Variants in ANXA4 observed in about 807,000 individuals in gnomAD.
ANXA4 encodes 35-beta calcimedin.
Under a neutral mutation model 49.8 loss-of-function variants are expected in ANXA4, and 39 were observed. That is an observed-to-expected ratio of 0.78 (90% CI 0.61 to 1.02). ANXA4 has a LOEUF of 1.02. ANXA4 is among the 50% of genes least tolerant of loss of function. The pLI is 0.00. For synonymous variants in ANXA4, 134 were observed against 152.5 expected (o/e 0.88, Z 0.89); for missense variants, 360 against 410.1 (o/e 0.88, Z 1.05).
chr2:69,728,737 T>A lies in ANXA4; in HGVS notation n.864+7866T>A, dbSNP rs566635688. 2.6e-5 allele frequency among the ~76,000 whole-genome samples: 4 copies of A among 152,358 alleles called. No individual in the cohort carries two copies. In the South Asian group the frequency reaches 8.3e-4, roughly 32 times the overall value. On this transcript the variant is annotated intron_variant and non_coding_transcript_variant, in intron 3 of 3. Coordinates refer to the ANXA4 transcript ENST00000418066. The stretch of plus-strand genomic sequence containing the variant: ...CCGTTTGTCTATTTCTCTATCTGTA[T>A]ATGAATACCACACTGACTTTAAGTG...
rs146272670 is a variant in ANXA4 at position 69,681,689 on chromosome 2, C to T, written n.766+28407C>T. Among the ~76,000 whole-genome samples, 263 of 152,192 alleles carry T rather than the reference C, an allele frequency of 1.7e-3. 2 individuals carry two copies. Among genetic ancestry groups the T allele is most frequent in the African/African-American group, 5.8e-3 (239 of 41,548 alleles). On this transcript the variant is annotated intron_variant and non_coding_transcript_variant, in intron 2 of 3. Coordinates refer to the ANXA4 transcript ENST00000418066. The stretch of plus-strand genomic sequence containing the variant: ...CCTTTTTCTTGGTTAGTCTAGCTAG[C>T]GATTTATCAATTTTGCTTACTTTTT...
intron 3 of ANXA4, among the ~76,000 whole-genome samples, chr2:69,736,500 A>G (rs1670248524): frequency 6.6e-6 from 1 of 152,206 alleles, no homozygotes; most frequent in Non-Finnish European, 1.5e-5. Flanking sequence ...GCTGTACTCT[A>G]TAGTTAAGAA....
chr2:69,735,995 A>G (rs1272473898), intron 3 of ANXA4, among the ~76,000 whole-genome samples: 1 of 152,120 alleles, frequency 6.6e-6, no homozygotes, highest in Non-Finnish European at 1.5e-5. Context: ...TATTTACATG[A>G]TCTCTGCAAC....
intron 2 of ANXA4, among the ~76,000 whole-genome samples, chr2:69,718,277 G>T (rs900930135): frequency 2.6e-5 from 4 of 152,104 alleles, no homozygotes; most frequent in African/African-American, 9.7e-5. Context: ...CAGCTGGTCA[G>T]AATTCCCAAA....
intron 3 of ANXA4, among the ~76,000 whole-genome samples, chr2:69,732,941 T>G (rs967551591): frequency 6.6e-6 from 1 of 152,174 alleles, no homozygotes; most frequent in African/African-American, 2.4e-5. Context: ...ATCTGTGACT[T>G]TCTTAAGGTC....
chr2:69,649,924 ATTTTT>A (rs35212855), intron 1 of ANXA4, among the ~76,000 whole-genome samples: 8 of 52,036 alleles, frequency 1.5e-4, no homozygotes, highest in African/African-American at 7.3e-4. Flanking sequence ...GCCTGGCCTG[ATTTTT>A]TTTTTTTTTT....
At chr2:69,685,369 T>C (rs1677751616) in intron 2 of ANXA4, among the ~76,000 whole-genome samples, 1 of 152,170 alleles carries the variant, frequency 6.6e-6, no homozygotes, top group Non-Finnish European at 1.5e-5. Context: ...TTTCATGATA[T>C]TCTTTTGGAC....
intron 2 of ANXA4, among the ~76,000 whole-genome samples, chr2:69,653,749 C>A (rs923713766): frequency 3.3e-5 from 5 of 152,120 alleles, no homozygotes; most frequent in Non-Finnish European, 7.3e-5. Context: ...AGCCATGCCT[C>A]CTTGTGAAGT....
chr2:69,678,341 CT>C (rs1228987109), intron 2 of ANXA4, among the ~76,000 whole-genome samples: 52 of 78,122 alleles, frequency 6.7e-4, no homozygotes, highest in African/African-American at 2.1e-3. Flanking sequence ...TGCTAAATTG[CT>C]TTTTTTTTTC....
intron 2 of ANXA4, among the ~76,000 whole-genome samples, chr2:69,692,899 T>C (rs1352380865): frequency 6.6e-6 from 1 of 152,210 alleles, no homozygotes; most frequent in African/African-American, 2.4e-5. Flanking sequence ...ATGTTCAGAA[T>C]TGGTTTATAT....
chr2:69,756,375 G>A (rs1671040104), intron 1 of ANXA4, among the ~76,000 whole-genome samples: 1 of 152,192 alleles, frequency 6.6e-6, no homozygotes, highest in Admixed American at 6.5e-5. Context: ...CCTCATGGGT[G>A]CCTTTCCTCA....
intron 1 of ANXA4, among the ~76,000 whole-genome samples, chr2:69,749,822 G>A (rs1207210674): frequency 6.6e-6 from 1 of 151,916 alleles, no homozygotes; most frequent in Non-Finnish European, 1.5e-5. Flanking sequence ...CTTCTAGGGA[G>A]GCTGAGGCAG....
chr2:69,737,217 T>G (rs112995426), upstream of ANXA4, among the ~76,000 whole-genome samples: 1,392 of 152,340 alleles, frequency 9.1e-3, 30 homozygotes, highest in African/African-American at 0.032. Context: ...TATTTCCTCC[T>G]GGGTACTTGT....
At chr2:69,752,125 C>T (rs2105496507) in intron 1 of ANXA4, among the ~76,000 whole-genome samples, 1 of 152,208 alleles carries the variant, frequency 6.6e-6, no homozygotes, top group Admixed American at 6.5e-5. Context: ...GGCTTATGCA[C>T]AGTTGTGGAG....
intron 2 of ANXA4, among the ~76,000 whole-genome samples, chr2:69,671,226 A>C (rs955994965): frequency 2.0e-5 from 3 of 152,154 alleles, no homozygotes; most frequent in African/African-American, 7.2e-5. Flanking sequence ...TTGAGACTAC[A>C]TTAAAATCAA....
chr2:69,812,967 T>C (rs561975904), intron 8 of ANXA4, among the ~76,000 whole-genome samples: 1 of 152,206 alleles, frequency 6.6e-6, no homozygotes, highest in African/African-American at 2.4e-5. Context: ...AGAGAACCAC[T>C]GTCTTCCGAA....
intron 9 of ANXA4, 90 bp from the exon 10 acceptor site, chr2:69,818,509 G>T (rs1573317578): frequency 5.1e-6 from 4 of 782,944 alleles, no homozygotes; most frequent in African/African-American, 1.8e-5. Flanking sequence ...AATAAATAGT[G>T]TAGGCTAGTT....
chr2:69,643,850 C>G (rs954058666), upstream of ANXA4: 32 of 1,180,372 alleles, frequency 2.7e-5, no homozygotes, highest in Non-Finnish European at 3.4e-5. Context: ...GGACCGGGGC[C>G]TCTCCTGCAA....
intron 2 of ANXA4, among the ~76,000 whole-genome samples, chr2:69,711,193 A>G (rs1678668054): frequency 6.6e-6 from 1 of 152,156 alleles, no homozygotes; most frequent in African/African-American, 2.4e-5. Context: ...AGCTGGGCAT[A>G]GTGACACACA....
Sources: gnomAD v4.1 joint callset for allele counts (sites outside exome capture counted in the v4.1 genomes callset) on GRCh38, gnomAD v4.1.1 for gene constraint, MANE v1.5 for transcripts, NCBI Gene and HGNC (gene_info 2026-07-23, HGNC 2026-07-21) for gene names.